Variants in WWOX observed in about 807,000 individuals in gnomAD.
The protein encoded by WWOX is WW domain containing oxidoreductase.
WWOX carries 69 observed loss-of-function variants against 46.2 expected under a neutral mutation model. That is an observed-to-expected ratio of 1.49 (90% CI 1.23 to 1.82). The LOEUF is 1.82. WWOX is among the 40% of genes most tolerant of loss of function. WWOX has a pLI of 0.00. For missense variants in WWOX, 919 were observed against 542.6 expected (o/e 1.69, Z -6.89); for synonymous variants, 359 against 202.6 (o/e 1.77, Z -6.56).
chr16:78,834,603 G>C (rs982556117), intron 8 of WWOX, among the ~76,000 whole-genome samples: 1 of 152,182 alleles, frequency 6.6e-6, no homozygotes, highest in Non-Finnish European at 1.5e-5. Flanking sequence ...AGAAAGTACA[G>C]CGTAGTTTGT....
intron 8 of WWOX, among the ~76,000 whole-genome samples, chr16:78,827,417 A>G (rs1391406467): frequency 6.6e-6 from 1 of 152,056 alleles, no homozygotes; most frequent in African/African-American, 2.4e-5. Flanking sequence ...CTGTGGCTCC[A>G]GGGTCAGGTG....
At chr16:78,379,325 C>T (rs1275941126) in intron 5 of WWOX, among the ~76,000 whole-genome samples, 1 of 152,102 alleles carries the variant, frequency 6.6e-6, no homozygotes, top group Non-Finnish European at 1.5e-5. Flanking sequence ...ATAGCTAATT[C>T]CCTGTAAACA....
rs1182436834 is a variant in WWOX, at chr16:78,339,137, G to A, written c.517-47723G>A. Among the ~76,000 whole-genome samples the A allele has an allele frequency of 3.3e-5, 4 of 119,796 alleles. 1 individual carries two copies. The highest frequency in any genetic ancestry group is 8.0e-5 in the Non-Finnish European group (4 of 50,230). 78.6% of individuals were successfully genotyped at this position (119,796 alleles called of 152,430 possible). On this transcript the variant is annotated intron_variant, in intron 5 of 8. Coordinates refer to ENST00000566780, the MANE Select transcript of WWOX (RefSeq NM_016373.4). ...CATCATATCCATATAGTGATATCAT[G>A]TATAATGATGTTTAAGAAGACAGTT...
intron 8 of WWOX, among the ~76,000 whole-genome samples, chr16:78,715,975 T>C (rs1246079490): frequency 6.6e-6 from 1 of 151,462 alleles, no homozygotes; most frequent in Non-Finnish European, 1.5e-5. Context: ...CCACCAGAGG[T>C]ATTACAGAGG....
intron 8 of WWOX, among the ~76,000 whole-genome samples, chr16:78,637,719 A>G (rs1031105043): frequency 6.6e-6 from 1 of 152,204 alleles, no homozygotes; most frequent in Admixed American, 6.5e-5. Context: ...AAGCCCTTCC[A>G]TTTGAAAGGA....
chr16:78,732,345 G>C (rs759279354), intron 8 of WWOX, among the ~76,000 whole-genome samples: 76 of 152,208 alleles, frequency 5.0e-4, no homozygotes, highest in Admixed American at 1.3e-3. Context: ...ACTCAATCTA[G>C]CGTAGGTAGG....
chr16:78,434,307 G>T (rs937469470), intron 8 of WWOX, among the ~76,000 whole-genome samples: 74 of 152,146 alleles, frequency 4.9e-4, no homozygotes, highest in African/African-American at 1.6e-3. Context: ...GGAAGTAAAT[G>T]AATGAAACTT....
intron 8 of WWOX, among the ~76,000 whole-genome samples, chr16:79,032,040 C>A (rs936545721): frequency 1.4e-5 from 2 of 143,924 alleles, no homozygotes; most frequent in African/African-American, 5.0e-5. Flanking sequence ...CTACACAGCT[C>A]CTGCCTCCTT....
intron 8 of WWOX, among the ~76,000 whole-genome samples, chr16:79,014,423 A>G (rs62040096): frequency 0.077 from 11,761 of 152,118 alleles, 824 homozygotes; most frequent in African/African-American, 0.18. Flanking sequence ...CAAGCTGTCT[A>G]TGTTTTCCTG....
At chr16:78,796,670 C>T (rs1258155840) in intron 8 of WWOX, among the ~76,000 whole-genome samples, 1 of 152,160 alleles carries the variant, frequency 6.6e-6, no homozygotes, top group South Asian at 2.1e-4. Flanking sequence ...AGAGATATAT[C>T]TGTTTATCAG....
At chr16:78,880,825 C>T (rs191988969) in intron 8 of WWOX, among the ~76,000 whole-genome samples, 3 of 152,172 alleles carry the variant, frequency 2.0e-5, no homozygotes, top group African/African-American at 7.2e-5. Flanking sequence ...GAGTATGTTT[C>T]TAAGTTGGGA....
chr16:78,717,373 T>G (rs1477507493), intron 8 of WWOX, among the ~76,000 whole-genome samples: 1 of 152,234 alleles, frequency 6.6e-6, no homozygotes, highest in African/African-American at 2.4e-5. Context: ...CAATCCTGCT[T>G]AATATTACAC....
intron 5 of WWOX, among the ~76,000 whole-genome samples, chr16:78,327,621 A>G (rs995894831): frequency 1.1e-4 from 17 of 152,176 alleles, no homozygotes; most frequent in African/African-American, 2.2e-4. Context: ...GCCATGACAC[A>G]GAGATTCCAC....
chr16:78,296,869 A>G (rs973855264), intron 5 of WWOX, among the ~76,000 whole-genome samples: 3 of 152,202 alleles, frequency 2.0e-5, no homozygotes, highest in East Asian at 3.9e-4. Flanking sequence ...TGGCAACCAA[A>G]TAAGAGTAGC....
intron 8 of WWOX, among the ~76,000 whole-genome samples, chr16:78,462,489 T>A (rs1195710719): frequency 1.3e-5 from 2 of 152,272 alleles, no homozygotes; most frequent in East Asian, 3.9e-4. Flanking sequence ...ATTTCCTTAG[T>A]AAATTGTTGT....
chr16:78,615,152 A>G (rs1049897021), intron 8 of WWOX, among the ~76,000 whole-genome samples: 2 of 152,230 alleles, frequency 1.3e-5, no homozygotes, highest in African/African-American at 4.8e-5. Flanking sequence ...AAATACTCAC[A>G]TTCCCATTAT....
At chr16:79,030,486 G>A (rs1050827073) in intron 8 of WWOX, among the ~76,000 whole-genome samples, 1 of 152,114 alleles carries the variant, frequency 6.6e-6, no homozygotes, top group African/African-American at 2.4e-5. Flanking sequence ...ATGGCTTAAG[G>A]TTCCCACAGA....
intron 8 of WWOX, among the ~76,000 whole-genome samples, chr16:79,170,102 G>A (rs1167772014): frequency 6.6e-6 from 1 of 152,124 alleles, no homozygotes; most frequent in Admixed American, 6.5e-5. Flanking sequence ...GAAAATACAG[G>A]AGTATTTTTC....
rs746981141 is a variant in WWOX at position 78,347,171 on chromosome 16, C to T, written c.517-39689C>T. Among the ~76,000 whole-genome samples, 49 of 117,744 alleles carry T rather than the reference C, an allele frequency of 4.2e-4. 16 individuals carry two copies. The highest frequency in any genetic ancestry group is 7.7e-4 in the Non-Finnish European group (38 of 49,612). 77.2% of individuals were successfully genotyped at this position (117,744 alleles called of 152,430 possible). On this transcript the variant is annotated intron_variant, in intron 5 of 8. Coordinates refer to ENST00000566780, the MANE Select transcript of WWOX (RefSeq NM_016373.4). Reference sequence around the variant, plus strand: ...AGCCATAGCTTCTTTTAAACTTTGTCTTCCTTCTCTTTCTAATTATCTCCT... The same window carrying T: ...AGCCATAGCTTCTTTTAAACTTTGTTTTCCTTCTCTTTCTAATTATCTCCT...
Sources: allele counts gnomAD v4.1 joint callset (sites outside exome capture counted in the v4.1 genomes callset), GRCh38; gene constraint gnomAD v4.1.1; transcripts MANE v1.5; gene names NCBI Gene and HGNC (gene_info 2026-07-23, HGNC 2026-07-21).